The following JMY variants were observed in gnomAD, a reference collection of about 807,000 sequenced individuals.
JMY encodes the protein junction mediating and regulatory protein, p53 cofactor.
Under a neutral mutation model 103.3 loss-of-function variants are expected in JMY, and 46 were observed. That is an observed-to-expected ratio of 0.45 (90% confidence interval 0.35 to 0.57). The LOEUF is 0.57. JMY is among the 20% of genes least tolerant of loss of function. The pLI is 0.00. For missense variants in JMY, 1,238 were observed against 1,255.2 expected, an observed-to-expected ratio of 0.99 and a Z score of 0.21; for synonymous variants, 526 against 489.3, an observed-to-expected ratio of 1.07 and a Z score of -0.99.
chr5:79,279,994 C>T (rs765781811), intron 2 of JMY, among the ~76,000 whole-genome samples: 9 of 152,276 alleles, frequency 5.9e-5, no homozygotes, highest in Admixed American at 2.6e-4. Context: ...TGGGCGCATG[C>T]CACCACGCCC....
Position 79,290,162 on chromosome 5 carries a change from G to T in JMY, c.1248G>T (p.Glu416Asp). ...ATTATCTGGGACCTCGAAGAATTGA[G>T]AGTCTACAAAAAGAAGATGCTGATT... Reference protein sequence around the residue: ...ENDYLGPRRIESLQKEDADWQ... With the variant: ...ENDYLGPRRIDSLQKEDADWQ... Residue 416 changes from glutamate (E) to aspartate (D), a missense_variant, in exon 3 of 11, where the codon GAG becomes GAT. Glu to Asp is a conservative substitution (Grantham distance 45). Coordinates refer to ENST00000396137, the MANE Select transcript of JMY (RefSeq NM_152405.5). 1 of 1,595,886 alleles carries T rather than the reference G, an allele frequency of 6.3e-7. No homozygotes were observed. The highest frequency in any genetic ancestry group is 1.1e-5 in the South Asian group (1 of 87,710).
chr5:79,321,362 C>T (rs1002238126), intron 10 of JMY, among the ~76,000 whole-genome samples: 1 of 151,972 alleles, frequency 6.6e-6, no homozygotes, highest in East Asian at 1.9e-4. Flanking sequence ...CTGAATTTAC[C>T]TTTTTAGTAT....
chr5:79,248,556 G>A (rs1035316004), intron 1 of JMY, among the ~76,000 whole-genome samples: 5 of 150,906 alleles, frequency 3.3e-5, no homozygotes, highest in African/African-American at 9.7e-5. Flanking sequence ...TGATCCACCC[G>A]CCTCAGCCTC....
intron 7 of JMY, among the ~76,000 whole-genome samples, chr5:79,310,312 C>T (rs1195309116): frequency 6.6e-6 from 1 of 152,020 alleles, no homozygotes; most frequent in Non-Finnish European, 1.5e-5. Context: ...CTGCCCGCCT[C>T]GCCTTCCCAA....
intron 1 of JMY, among the ~76,000 whole-genome samples, chr5:79,270,648 T>TAC (rs1745752182): frequency 6.3e-5 from 9 of 143,446 alleles, no homozygotes; most frequent in African/African-American, 1.8e-4. Flanking sequence ...AATATTTATA[T>TAC]AAAATATATA....
chr5:79,252,340 T>TG (rs988183005), intron 1 of JMY, among the ~76,000 whole-genome samples: 4 of 151,434 alleles, frequency 2.6e-5, no homozygotes, highest in African/African-American at 9.7e-5. Context: ...TAGTCAGGTT[T>TG]TTTTTTTTTT....
At chr5:79,276,465 C>T (rs891474350) in intron 1 of JMY, among the ~76,000 whole-genome samples, 11 of 151,910 alleles carry the variant, frequency 7.2e-5, no homozygotes, top group African/African-American at 2.7e-4. Flanking sequence ...GGTCTCACTT[C>T]GTCACCTAGG....
chr5:79,291,055 C>T, intron 3 of JMY, 75 bp from the exon 4 acceptor site: 2 of 998,958 alleles, frequency 2.0e-6, no homozygotes, highest in Non-Finnish European at 2.8e-6. Context: ...TTTGTGTGGT[C>T]AGTGAAATCT....
intron 1 of JMY, among the ~76,000 whole-genome samples, chr5:79,239,396 A>C (rs1413053425): frequency 2.0e-5 from 3 of 152,248 alleles, no homozygotes; most frequent in Non-Finnish European, 2.9e-5. Context: ...AAACTGCAAG[A>C]ACCGTTAGTG....
At chr5:79,313,348 G>C (rs1444900544) in intron 8 of JMY, among the ~76,000 whole-genome samples, 1 of 152,086 alleles carries the variant, frequency 6.6e-6, no homozygotes, top group East Asian at 1.9e-4. Context: ...GAGCCAGGGA[G>C]GTCATGGCTG....
chr5:79,236,723 G>A lies in JMY; in HGVS notation c.73G>A (p.Glu25Lys). ...GCGGCCCCATGTGTTCGACGAGCGC[G>A]AGAAACACAAATTCGTCTTTATTGT... The part of the protein sequence containing the change: ...AVRPHVFDER[E>K]KHKFVFIVAW... The change falls in exon 1 of 11, where the codon GAG (glutamate) becomes AAG (lysine). Residue 25 changes from glutamate to lysine, a missense_variant. Transcript: ENST00000396137. 1 of 1,504,468 alleles carries A rather than the reference G, an allele frequency of 6.6e-7. No homozygotes were observed. 93.2% of individuals were successfully genotyped at this position (1,504,468 alleles called of 1,614,324 possible).
chr5:79,322,330 A>C lies in JMY; in HGVS notation c.*728A>C, dbSNP rs754799455. ...ATCACTCTTCATATTTCTTGAATTT[A>C]TAATAGTTTGAATTTTATGTGCATC... On this transcript the variant is annotated 3_prime_UTR_variant, in exon 11 of 11. Transcript: ENST00000396137. 6.6e-6 allele frequency: 1 copy of C among 152,324 alleles called. No homozygotes were observed. The highest frequency in any genetic ancestry group is 1.9e-4 in the East Asian group (1 of 5,192). The allele number at this position is 152,324 out of a possible 1,614,324, so 9.4% of individuals were successfully genotyped here.
intron 1 of JMY, among the ~76,000 whole-genome samples, chr5:79,264,326 A>G (rs931286360): frequency 6.6e-6 from 1 of 151,996 alleles, no homozygotes; most frequent in African/African-American, 2.4e-5. Flanking sequence ...GGCTTAAGCA[A>G]TCCGCTGACC....
At chr5:79,266,252 G>A (rs1745585162) in intron 1 of JMY, among the ~76,000 whole-genome samples, 1 of 152,246 alleles carries the variant, frequency 6.6e-6, no homozygotes. Context: ...TTTAGAAGCA[G>A]AGACGATGTC....
chr5:79,268,778 G>A (rs765827898), intron 1 of JMY, among the ~76,000 whole-genome samples: 59 of 152,264 alleles, frequency 3.9e-4, no homozygotes, highest in Middle Eastern at 3.4e-3. Flanking sequence ...GTGAGCCACC[G>A]CGCCCGGTGA....
At position 79,272,554 on chromosome 5, in the gene JMY, C is replaced by T. The variant is rs140719596; in HGVS notation, c.1033-5356C>T. ...ATTTAATAACTTGAATATATTGGGG[C>T]TTATAGCATACCTTCTTAAATTATT... is the stretch of plus-strand genomic sequence containing the variant. On this transcript the variant is annotated intron_variant, in intron 1 of 10. Coordinates refer to ENST00000396137, the MANE Select transcript of JMY (RefSeq NM_152405.5). Among the ~76,000 whole-genome samples, 40 of 152,086 alleles carry T rather than the reference C, an allele frequency of 2.6e-4. No homozygotes were observed. In the East Asian group the frequency reaches 6.2e-3, roughly 23 times the overall value.
Position 79,314,627 on chromosome 5 carries a change from C to A in JMY, c.2435C>A (p.Pro812Gln). 1 of 1,529,952 alleles carries A rather than the reference C, an allele frequency of 6.5e-7. No homozygotes were observed. The highest frequency in any genetic ancestry group is 9.0e-7 in the Non-Finnish European group (1 of 1,109,700). The allele number at this position is 1,529,952 out of a possible 1,614,324, so 94.8% of individuals were successfully genotyped here. Residue 812 changes from proline to glutamine, a missense_variant, in exon 9 of 11, where the codon CCA becomes CAA. Transcript: ENST00000396137. ...CCATCCCCTCTTCCTCCAACACCACCACCTCCCCCACCTCCTCCCCCTCCC... is the reference window on the plus strand; with the variant it reads ...CCATCCCCTCTTCCTCCAACACCACAACCTCCCCCACCTCCTCCCCCTCCC... ...PLPSPLPPTP[P>Q]PPPPPPPPPP... is the part of the protein sequence containing the mutation.
rs1183374169 is a variant in JMY, at chr5:79,321,681, TC to T, written c.*81del. On this transcript the variant is annotated 3_prime_UTR_variant, in exon 11 of 11. Coordinates refer to ENST00000396137, the MANE Select transcript of JMY (RefSeq NM_152405.5). Reference sequence around the variant, plus strand: ...GAAAATGACAGTTTAAGCACTTGGTTCCTCAGTTGGATAACATTAGATCCAA... The same window carrying T: ...GAAAATGACAGTTTAAGCACTTGGTTCTCAGTTGGATAACATTAGATCCAA... 6.6e-6 allele frequency: 1 copy of T among 152,208 alleles called. No homozygotes were observed. The highest frequency in any genetic ancestry group is 2.4e-5 in the African/African-American group (1 of 41,450). 9.4% of individuals were successfully genotyped at this position (152,208 alleles called of 1,614,324 possible).
intron 1 of JMY, among the ~76,000 whole-genome samples, chr5:79,270,473 A>G (rs1338682842): frequency 9.5e-6 from 1 of 105,448 alleles, no homozygotes; most frequent in Non-Finnish European, 1.9e-5. Context: ...TAAAATGTAT[A>G]TTTACATAAA....
Sources: allele counts gnomAD v4.1 joint callset (sites outside exome capture counted in the v4.1 genomes callset), GRCh38; gene constraint gnomAD v4.1.1; transcripts MANE v1.5; gene names NCBI Gene and HGNC (gene_info 2026-07-23, HGNC 2026-07-21).